IGHMBP2: variants seen among roughly 807,000 people sequenced by gnomAD.
IGHMBP2 encodes the protein immunoglobulin mu DNA binding protein 2.
Under a neutral mutation model 96.0 loss-of-function variants are expected in IGHMBP2, and 81 were observed. That is an observed-to-expected ratio of 0.84 (90% CI 0.71 to 1.01). IGHMBP2 has a LOEUF of 1.01. Ranked by LOEUF, IGHMBP2 falls within the 50% of genes least tolerant of loss-of-function variation. The pLI is 0.00. For missense variants in IGHMBP2, 1,227 were observed against 1,306.3 expected, an observed-to-expected ratio of 0.94 and a Z score of 0.94; for synonymous variants, 557 against 548.9, an observed-to-expected ratio of 1.01 and a Z score of -0.21.
intron 7 of IGHMBP2, among the ~76,000 whole-genome samples, chr11:68,927,323 C>G (rs1859110323): frequency 6.6e-6 from 1 of 152,168 alleles, no homozygotes; most frequent in Non-Finnish European, 1.5e-5. Context: ...ACTTAGTGGC[C>G]AGCTAGTGAT....
In IGHMBP2 at chr11:68,915,581, C is replaced by A. The variant is rs187627992; in HGVS notation, c.912+558C>A. ...CACTGCAGGCTCCGCCTCCCGGGGT[C>A]AAGTGATTCTTGTGCCTCACCCTCC... is the stretch of plus-strand genomic sequence containing the variant. On this transcript the variant is annotated intron_variant, in intron 6 of 14. Coordinates refer to ENST00000255078, the MANE Select transcript of IGHMBP2 (RefSeq NM_002180.3). Among the ~76,000 whole-genome samples the A allele has an allele frequency of 3.3e-3, 501 of 152,048 alleles. 5 individuals are homozygous for A. The highest frequency in any genetic ancestry group is 0.012 in the African/African-American group (479 of 41,482).
intron 8 of IGHMBP2, 84 bp downstream of exon 8, chr11:68,929,441 C>T (rs1859191167): frequency 7.5e-7 from 1 of 1,336,228 alleles, no homozygotes; most frequent in Non-Finnish European, 1.0e-6. Context: ...CCCAGGCTCA[C>T]CAGGAGCCCC....
chr11:68,911,188 G>C (rs567990281), intron 4 of IGHMBP2, among the ~76,000 whole-genome samples: 2 of 152,158 alleles, frequency 1.3e-5, no homozygotes, highest in Non-Finnish European at 2.9e-5. Context: ...CAATGGGTGT[G>C]GCTGTGCTCC....
At position 68,940,101 on chromosome 11, in the gene IGHMBP2, G is replaced by T; in HGVS notation, c.*370G>T. On this transcript the variant is annotated 3_prime_UTR_variant, in exon 15 of 15. Transcript: ENST00000255078. ...CTCCTCCAATGTCTGGGACTTGCCA[G>T]CTCAGCCCGTTAGGATGAGGGTGCT... is the stretch of plus-strand genomic sequence containing the variant. The T allele has an allele frequency of 3.9e-6, 1 of 253,902 alleles. No individual in the cohort carries two copies. Among genetic ancestry groups the T allele is most frequent in the African/African-American group, 2.2e-5 (1 of 44,942 alleles). 15.7% of individuals were successfully genotyped at this position (253,902 alleles called of 1,614,324 possible). A position where few individuals can be genotyped will look rare whatever the true frequency, so the allele number is the denominator to read the frequency against.
At chr11:68,937,619 C>T (rs567150800) in intron 13 of IGHMBP2, 16 of 235,744 alleles carry the variant, frequency 6.8e-5, no homozygotes, top group Admixed American at 1.6e-4. Flanking sequence ...GTGCCCACCC[C>T]GCAGGAGCTG....
chr11:68,935,976 G>A (rs1369104500), intron 12 of IGHMBP2, among the ~76,000 whole-genome samples: 1 of 152,234 alleles, frequency 6.6e-6, no homozygotes, highest in Admixed American at 6.5e-5. Flanking sequence ...CACACCCCAG[G>A]CGGCCCCTGA....
At chr11:68,935,199 G>C in intron 11 of IGHMBP2, 100 bp from the exon 12 acceptor site, 1 of 1,498,872 alleles carries the variant, frequency 6.7e-7, no homozygotes, top group Non-Finnish European at 9.1e-7. Context: ...CCCAGGTCCT[G>C]GCTGTTTCAC....
At chr11:68,933,211 T>C in intron 8 of IGHMBP2, 88 bp from the exon 9 acceptor site, 1 of 1,353,856 alleles carries the variant, frequency 7.4e-7, no homozygotes, top group Non-Finnish European at 1.0e-6. Flanking sequence ...GTCCTGAGGT[T>C]TGGGGCCTGT....
In IGHMBP2 at chr11:68,929,179, C is replaced by T; in HGVS notation, c.1061-4C>T. On this transcript the variant is annotated splice_polypyrimidine_tract_variant and splice_region_variant and intron_variant, in intron 7 of 14. Transcript: ENST00000255078. ...GGAGACTCCCGGCTCCCTGTTTCCA[C>T]CAGGTGCGTCTGCCGATGGCCCCCT... The T allele has an allele frequency of 6.2e-7, 1 of 1,611,992 alleles. No homozygotes were observed. Among genetic ancestry groups the T allele is most frequent in the Non-Finnish European group, 8.5e-7 (1 of 1,179,972 alleles).
chr11:68,936,624 G>C lies in IGHMBP2; in HGVS notation c.2144G>C (p.Gly715Ala). 1 of 1,613,780 alleles carries C rather than the reference G, an allele frequency of 6.2e-7. No homozygotes were observed. The highest frequency in any genetic ancestry group is 1.3e-5 in the African/African-American group (1 of 75,056). The change falls in exon 13 of 15, where the codon GGC becomes GCC. Residue 715 changes from glycine (G) to alanine (A), a missense_variant. This residue lies in a region of IGHMBP2 where 703 missense variants were observed against 770.3 expected (regional missense o/e 0.91). Transcript: ENST00000255078. ...CCATCTCAGCCCAGCCTCAACGGAG[G>C]CAGCCCAGAGGGAGTGGAGAGCCAA... ...EAPSQPSLNG[G>A]SPEGVESQDG...
chr11:68,905,690 A>G (rs1183940860), intron 1 of IGHMBP2, among the ~76,000 whole-genome samples: 1 of 152,134 alleles, frequency 6.6e-6, no homozygotes, highest in East Asian at 1.9e-4. Flanking sequence ...GAGGTAAGGT[A>G]GTTGAGAGGC....
At position 68,904,803 on chromosome 11, in the gene IGHMBP2, C is replaced by CTTTTCTTTCTT. The variant is rs892709461; in HGVS notation, c.86+769_86+770insCTTTCTTTTTT. Among the ~76,000 whole-genome samples the CTTTTCTTTCTT allele has an allele frequency of 8.6e-4, 104 of 120,986 alleles. 1 individual carries two copies. Among genetic ancestry groups the CTTTTCTTTCTT allele is most frequent in the Admixed American group, 5.2e-3 (58 of 11,074 alleles). The allele number at this position is 120,986 out of a possible 152,430, so 79.4% of individuals were successfully genotyped here. ...GTGTAAGTTTCTTTTTTTTCTTTTT[C>CTTTTCTTTCTT]TTTTTTTTTTTTTTAGACAGAGTCT... On this transcript the variant is annotated intron_variant, in intron 1 of 14. Coordinates refer to ENST00000255078, the MANE Select transcript of IGHMBP2 (RefSeq NM_002180.3).
At chr11:68,916,080 A>G (rs1357011947) in intron 6 of IGHMBP2, among the ~76,000 whole-genome samples, 2 of 145,744 alleles carry the variant, frequency 1.4e-5, no homozygotes, top group Non-Finnish European at 3.1e-5. Context: ...AGGCTGAGGC[A>G]GGAGAATCTC....
chr11:68,936,194 T>G, intron 12 of IGHMBP2, 43 bp from the exon 13 acceptor site: 1 of 1,609,632 alleles, frequency 6.2e-7, no homozygotes, highest in Non-Finnish European at 8.5e-7. Flanking sequence ...ACTGTGTTTC[T>G]TAGTCTGAAA....
At chr11:68,931,053 C>G (rs1332635922) in intron 8 of IGHMBP2, among the ~76,000 whole-genome samples, 1 of 152,190 alleles carries the variant, frequency 6.6e-6, no homozygotes, top group Non-Finnish European at 1.5e-5. Flanking sequence ...GTCCACAGGA[C>G]TGGCAGCCCA....
In IGHMBP2 at chr11:68,933,458, T is replaced by C. The variant is rs1594451498; in HGVS notation, c.1395T>C (p.Ser465=). 1 of 1,612,842 alleles carries C rather than the reference T, an allele frequency of 6.2e-7. No homozygotes were observed. Among genetic ancestry groups the C allele is most frequent in the East Asian group, 2.2e-5 (1 of 44,860 alleles). The part of the protein sequence containing the change: ...TMYLGQLTAH[S]SVARHLLRDL... ...ACCTTGGGCAGCTCACAGCCCACTC[T>C]TCCGTGGCAAGGCACCTCCTGAGGT... Residue 465 remains serine, a synonymous_variant, in exon 9 of 15, where the codon TCT becomes TCC. Transcript: ENST00000255078.
chr11:68,934,595 T>C (rs369236415), intron 11 of IGHMBP2, 37 bp downstream of exon 11: 419 of 1,463,842 alleles, frequency 2.9e-4, no homozygotes, highest in Non-Finnish European at 3.4e-4. Context: ...ACAGAGCAGC[T>C]GGGGCTCACA....
intron 2 of IGHMBP2, among the ~76,000 whole-genome samples, chr11:68,907,725 A>C (rs1377044369): frequency 6.6e-6 from 1 of 151,838 alleles, no homozygotes; most frequent in Non-Finnish European, 1.5e-5. Context: ...GCAGAGTTTG[A>C]GATTTTTTTT....
intron 13 of IGHMBP2, chr11:68,937,763 T>C: frequency 4.2e-6 from 1 of 235,790 alleles, no homozygotes; most frequent in East Asian, 1.1e-4. Context: ...ATTGAATTCC[T>C]GAAGCGAAGC....
Sources: gnomAD v4.1 joint callset for allele counts (sites outside exome capture counted in the v4.1 genomes callset) on GRCh38, gnomAD v4.1.1 for gene constraint, gnomAD v4.1.1 regional missense constraint, MANE v1.5 for transcripts, NCBI Gene and HGNC (gene_info 2026-07-23, HGNC 2026-07-21) for gene names.